THEMIS: variants seen among roughly 807,000 people sequenced by gnomAD.
The protein encoded by THEMIS is protein THEMIS.
THEMIS carries 37 observed loss-of-function variants against 52.6 expected under a neutral mutation model. The ratio of observed to expected loss-of-function variants is 0.70; its 90% confidence interval spans 0.54 to 0.93. THEMIS has a LOEUF of 0.93. THEMIS is among the 40% of genes least tolerant of loss of function. THEMIS has a pLI of 0.00. For missense variants in THEMIS, 808 were observed against 763.1 expected (o/e 1.06, Z -0.69); for synonymous variants, 292 against 272.7 (o/e 1.07, Z -0.70).
At chr6:127,815,105 C>A (rs1245336481) in intron 3 of THEMIS, among the ~76,000 whole-genome samples, 2 of 152,060 alleles carry the variant, frequency 1.3e-5, no homozygotes, top group African/African-American at 4.8e-5. Context: ...GAACCATGAT[C>A]ATACCCACTG....
chr6:127,799,993 T>C (rs1222444936), intron 4 of THEMIS, among the ~76,000 whole-genome samples: 1 of 152,196 alleles, frequency 6.6e-6, no homozygotes, highest in Admixed American at 6.5e-5. Flanking sequence ...GATTCTAAAA[T>C]CACAAACGTT....
upstream of THEMIS, among the ~76,000 whole-genome samples, chr6:127,904,491 A>G (rs73773943): frequency 4.9e-4 from 75 of 152,242 alleles, no homozygotes; most frequent in African/African-American, 1.7e-3. Context: ...AATTAGCTCA[A>G]TCCCTCATTG....
chr6:127,738,888 G>A (rs1775098740), intron 4 of THEMIS, among the ~76,000 whole-genome samples: 1 of 152,094 alleles, frequency 6.6e-6, no homozygotes, highest in Non-Finnish European at 1.5e-5. Flanking sequence ...TTAATTCCTT[G>A]GTAAGTCCGG....
chr6:127,794,556 G>A (rs992077677), intron 4 of THEMIS, among the ~76,000 whole-genome samples: 3 of 152,114 alleles, frequency 2.0e-5, no homozygotes, highest in African/African-American at 7.2e-5. Context: ...TTCTACTTCA[G>A]CACCCTGAGT....
chr6:127,801,880 A>G (rs1777547646), intron 4 of THEMIS, among the ~76,000 whole-genome samples: 1 of 152,168 alleles, frequency 6.6e-6, no homozygotes. Flanking sequence ...CGGGAAAAGA[A>G]CTGCTTGAGT....
intron 4 of THEMIS, among the ~76,000 whole-genome samples, chr6:127,809,479 G>A (rs1202607864): frequency 6.6e-6 from 1 of 152,096 alleles, no homozygotes; most frequent in Non-Finnish European, 1.5e-5. Context: ...AAATAAGGAG[G>A]TTAGTAGGTC....
chr6:127,744,655 A>C (rs1775323780), intron 4 of THEMIS, among the ~76,000 whole-genome samples: 1 of 151,978 alleles, frequency 6.6e-6, no homozygotes, highest in African/African-American at 2.4e-5. Flanking sequence ...GAAAAAGAAT[A>C]CTGATTGCAA....
chr6:127,915,694 AAAG>A (rs1781509916), intron 1 of THEMIS, among the ~76,000 whole-genome samples: 2 of 152,276 alleles, frequency 1.3e-5, no homozygotes, highest in South Asian at 4.2e-4. Flanking sequence ...ACATGAGAAA[AAAG>A]AATGAGCAGC....
At chr6:127,888,645 A>C (rs1780715386) in intron 1 of THEMIS, among the ~76,000 whole-genome samples, 1 of 151,146 alleles carries the variant, frequency 6.6e-6, no homozygotes, top group Non-Finnish European at 1.5e-5. Context: ...TTTCTAAAGC[A>C]AAAAAAAATT....
intron 4 of THEMIS, among the ~76,000 whole-genome samples, chr6:127,787,878 GAT>G (rs373447342): frequency 0.013 from 1,160 of 92,228 alleles, 9 homozygotes; most frequent in East Asian, 0.072. Flanking sequence ...TAGATAGATA[GAT>G]ATAGATAGAT....
intron 4 of THEMIS, among the ~76,000 whole-genome samples, chr6:127,742,009 A>T (rs1775219245): frequency 6.6e-6 from 1 of 152,158 alleles, no homozygotes; most frequent in South Asian, 2.1e-4. Flanking sequence ...TCTGTCAAGA[A>T]ATTAAACACA....
chr6:127,698,984 C>CTGA, the THEMIS span, among the ~76,000 whole-genome samples: 1 of 151,962 alleles, frequency 6.6e-6, no homozygotes, highest in East Asian at 1.9e-4. Flanking sequence ...AGTTTTGCAG[C>CTGA]TGATACATTT....
upstream of THEMIS, among the ~76,000 whole-genome samples, chr6:127,901,857 G>A (rs904065638): frequency 2.0e-5 from 3 of 151,930 alleles, no homozygotes; most frequent in Admixed American, 6.6e-5. Flanking sequence ...TGATCTTATT[G>A]TTGAAATTTA....
intron 4 of THEMIS, among the ~76,000 whole-genome samples, chr6:127,795,250 A>T (rs969529231): frequency 1.3e-5 from 2 of 152,222 alleles, no homozygotes; most frequent in Non-Finnish European, 2.9e-5. Flanking sequence ...CGGAAAACCA[A>T]GTATCATAAA....
chr6:127,710,935 C>G (rs1773955572), intron 5 of THEMIS, among the ~76,000 whole-genome samples: 1 of 150,458 alleles, frequency 6.6e-6, no homozygotes, highest in African/African-American at 2.4e-5. Context: ...GCCTGCCTCC[C>G]TCCCTCCTTC....
chr6:127,830,034 T>C (rs1341487751), intron 2 of THEMIS, 100 bp from the exon 3 acceptor site: 2 of 794,998 alleles, frequency 2.5e-6, no homozygotes, highest in Admixed American at 2.8e-5. Flanking sequence ...ACTGCATACA[T>C]TTTTAAAGTG....
intron 4 of THEMIS, among the ~76,000 whole-genome samples, chr6:127,739,379 G>T (rs1028115289): frequency 1.3e-5 from 2 of 152,198 alleles, no homozygotes; most frequent in Non-Finnish European, 2.9e-5. Context: ...CAGGCCCAGT[G>T]GCTCACACTT....
chr6:127,720,040 T>C (rs1774310484), intron 4 of THEMIS, among the ~76,000 whole-genome samples: 1 of 151,984 alleles, frequency 6.6e-6, no homozygotes, highest in African/African-American at 2.4e-5. Flanking sequence ...GAAGTCATTT[T>C]AGGCATAGAA....
upstream of THEMIS, among the ~76,000 whole-genome samples, chr6:127,901,918 T>C (rs1431204544): frequency 6.6e-6 from 1 of 152,050 alleles, no homozygotes; most frequent in Admixed American, 6.6e-5. Flanking sequence ...TCATGAACAT[T>C]GATCTCTTCA....
Sources: allele counts gnomAD v4.1 joint callset (sites outside exome capture counted in the v4.1 genomes callset), GRCh38; gene constraint gnomAD v4.1.1; transcripts MANE v1.5; gene names NCBI Gene and HGNC (gene_info 2026-07-23, HGNC 2026-07-21).